The following PLBD1 variants were observed in gnomAD, a reference collection of about 807,000 sequenced individuals.
PLBD1 encodes the protein phospholipase B domain containing 1.
PLBD1 carries 60 observed loss-of-function variants against 63.0 expected under a neutral mutation model. That is an observed-to-expected ratio of 0.95 (90% CI 0.77 to 1.18). PLBD1 has a LOEUF of 1.18. Ranked by LOEUF, PLBD1 falls within the 50% of genes most tolerant of loss-of-function variation. The pLI is 0.00. For synonymous variants in PLBD1, 262 were observed against 248.0 expected (o/e 1.06, Z -0.53); for missense variants, 598 against 677.9 (o/e 0.88, Z 1.31).
Position 14,506,189 on chromosome 12 carries a change from T to C in PLBD1, c.1452A>G (p.Pro484=), listed in dbSNP as rs755598599. ...TTGTGTCATAACAACCTCCAGGACT[T>C]GGGTTAGGTGAGTTCAGGTCCTCAC... ...CCREDLNSPN[P]SPGGCYDTKV... Residue 484 remains proline (P), a synonymous_variant, in exon 10 of 11, where the codon CCA becomes CCG. Transcript: ENST00000240617. 1.9e-6 allele frequency: 3 copies of C among 1,611,116 alleles called. No homozygotes were observed. The highest frequency in any genetic ancestry group is 3.4e-5 in the Admixed American group (2 of 59,662).
At chr12:14,505,495 A>G (rs1425297530) in intron 10 of PLBD1, among the ~76,000 whole-genome samples, 1 of 152,180 alleles carries the variant, frequency 6.6e-6, no homozygotes, top group African/African-American at 2.4e-5. Context: ...GTGAGGAAAA[A>G]AGTTCCTGAT....
At chr12:14,567,052 ACCATTG>A (rs1945793673) in intron 1 of PLBD1, among the ~76,000 whole-genome samples, 1 of 152,132 alleles carries the variant, frequency 6.6e-6, no homozygotes, top group South Asian at 2.1e-4. Flanking sequence ...CCGAGATCAC[ACCATTG>A]CACTCCAGCG....
intron 2 of PLBD1, among the ~76,000 whole-genome samples, chr12:14,547,896 T>C (rs889374828): frequency 2.6e-5 from 4 of 152,176 alleles, no homozygotes; most frequent in Non-Finnish European, 5.9e-5. Context: ...TGGGGCTAGA[T>C]AGCCTCCTTT....
chr12:14,504,499 A>G (rs1167689274), intron 10 of PLBD1, among the ~76,000 whole-genome samples: 1 of 152,250 alleles, frequency 6.6e-6, no homozygotes, highest in Non-Finnish European at 1.5e-5. Flanking sequence ...CAGATTACTC[A>G]TATTCAGAAT....
chr12:14,530,852 C>G (rs1304840872), intron 6 of PLBD1, among the ~76,000 whole-genome samples: 1 of 152,226 alleles, frequency 6.6e-6, no homozygotes, highest in Non-Finnish European at 1.5e-5. Flanking sequence ...TGCAAGGCTT[C>G]TCCATTCCTT....
At chr12:14,559,365 G>A (rs1945729864) in intron 1 of PLBD1, among the ~76,000 whole-genome samples, 1 of 152,150 alleles carries the variant, frequency 6.6e-6, no homozygotes. Flanking sequence ...GTCTCGCTCT[G>A]TTGCTCAGGC....
At chr12:14,548,392 G>A (rs866184841) in intron 2 of PLBD1, among the ~76,000 whole-genome samples, 4 of 143,626 alleles carry the variant, frequency 2.8e-5, no homozygotes, top group African/African-American at 1.0e-4. Context: ...GGGAGGCAGA[G>A]GTTGCAGTAA....
chr12:14,510,828 C>G (rs1411594981), intron 8 of PLBD1, among the ~76,000 whole-genome samples: 2 of 152,124 alleles, frequency 1.3e-5, no homozygotes, highest in African/African-American at 4.8e-5. Context: ...ACAGCTCTTC[C>G]CATCCTGAGT....
intron 6 of PLBD1, among the ~76,000 whole-genome samples, chr12:14,523,567 G>C (rs1344607644): frequency 6.6e-6 from 1 of 152,054 alleles, no homozygotes; most frequent in Admixed American, 6.6e-5. Flanking sequence ...CACACTACCT[G>C]GCTTCAAAAT....
At chr12:14,519,248 C>T (rs866741018) in intron 6 of PLBD1, among the ~76,000 whole-genome samples, 1 of 152,032 alleles carries the variant, frequency 6.6e-6, no homozygotes, top group Non-Finnish European at 1.5e-5. Context: ...TATTTGGATA[C>T]AGAGCATTAA....
chr12:14,544,440 C>A (rs1418283011), intron 2 of PLBD1, among the ~76,000 whole-genome samples: 2 of 152,188 alleles, frequency 1.3e-5, no homozygotes, highest in African/African-American at 4.8e-5. Flanking sequence ...TCCCAAAGTA[C>A]TGGGATTATA....
At chr12:14,561,709 G>A (rs1440787562) in intron 1 of PLBD1, among the ~76,000 whole-genome samples, 2 of 152,076 alleles carry the variant, frequency 1.3e-5, no homozygotes, top group Admixed American at 6.5e-5. Context: ...CGTGCGCCAC[G>A]CCACACCTGG....
At chr12:14,525,916 T>C (rs1945412797) in intron 6 of PLBD1, among the ~76,000 whole-genome samples, 1 of 152,192 alleles carries the variant, frequency 6.6e-6, no homozygotes, top group South Asian at 2.1e-4. Flanking sequence ...GCTTATTAAC[T>C]TTATGCAAAT....
chr12:14,546,770 T>C (rs1945619648), intron 2 of PLBD1, among the ~76,000 whole-genome samples: 1 of 152,224 alleles, frequency 6.6e-6, no homozygotes, highest in Non-Finnish European at 1.5e-5. Flanking sequence ...TAATCCTGAC[T>C]TGAGTGTCAT....
chr12:14,538,684 T>G (rs1279168503), intron 4 of PLBD1, among the ~76,000 whole-genome samples: 2 of 152,230 alleles, frequency 1.3e-5, no homozygotes, highest in Non-Finnish European at 2.9e-5. Context: ...AGAAGTGATT[T>G]AGATTTTAAT....
intron 6 of PLBD1, among the ~76,000 whole-genome samples, chr12:14,530,593 TG>T (rs542883890): frequency 2.0e-5 from 3 of 152,194 alleles, no homozygotes; most frequent in Non-Finnish European, 4.4e-5. Context: ...GAAAACTACA[TG>T]ATATGACTCA....
intron 6 of PLBD1, among the ~76,000 whole-genome samples, chr12:14,534,413 T>A (rs1410383405): frequency 6.6e-6 from 1 of 152,172 alleles, no homozygotes; most frequent in Non-Finnish European, 1.5e-5. Flanking sequence ...TTGTTTTAAA[T>A]ACATAGTTTT....
intron 4 of PLBD1, among the ~76,000 whole-genome samples, chr12:14,536,924 A>T (rs957650162): frequency 2.0e-5 from 3 of 151,976 alleles, no homozygotes; most frequent in Non-Finnish European, 4.4e-5. Flanking sequence ...CCCTGTCTCT[A>T]CTGAAAATAC....
intron 2 of PLBD1, among the ~76,000 whole-genome samples, chr12:14,544,268 A>C (rs1945599016): frequency 6.6e-6 from 1 of 152,078 alleles, no homozygotes; most frequent in Admixed American, 6.6e-5. Context: ...CCGCCTCCCA[A>C]GTTCAAGGAA....
Sources: gnomAD v4.1 joint callset for allele counts (sites outside exome capture counted in the v4.1 genomes callset) on GRCh38, gnomAD v4.1.1 for gene constraint, MANE v1.5 for transcripts, NCBI Gene and HGNC (gene_info 2026-07-23, HGNC 2026-07-21) for gene names.